CSE1L: variants seen among roughly 807,000 people sequenced by gnomAD.
CSE1L encodes exportin-2.
A neutral mutation model predicts 120.4 loss-of-function variants in CSE1L; 24 were observed. The ratio of observed to expected loss-of-function variants is 0.20; its 90% confidence interval spans 0.14 to 0.28. The LOEUF (loss-of-function observed/expected upper bound fraction) is 0.28. CSE1L is among the 10% of genes least tolerant of loss of function. The pLI, the probability that CSE1L is intolerant of heterozygous loss-of-function variation, is 1.00. For synonymous variants in CSE1L, 402 were observed against 398.3 expected, an observed-to-expected ratio of 1.01 and a Z score of -0.11; for missense variants, 830 against 1,145.2, an observed-to-expected ratio of 0.72 and a Z score of 3.97.
At chr20:49,078,936 A>G (rs2426118) in intron 14 of CSE1L, among the ~76,000 whole-genome samples, 114,735 of 152,144 alleles carry the variant, frequency 0.75, 43,912 homozygotes, top group African/African-American at 0.88. Context: ...CTGTCACCCA[A>G]GCTGGAGTGC....
chr20:49,059,445 G>A (rs895222174), intron 2 of CSE1L, among the ~76,000 whole-genome samples: 5 of 152,132 alleles, frequency 3.3e-5, no homozygotes, highest in African/African-American at 1.2e-4. Context: ...TACATGCCCT[G>A]ATTAAGTGGC....
intron 7 of CSE1L, 99 bp downstream of exon 7, chr20:49,068,921 T>C (rs572354706): frequency 8.0e-6 from 7 of 871,506 alleles, no homozygotes; most frequent in Non-Finnish European, 5.4e-6. Flanking sequence ...CATTGATTTT[T>C]CTGAAAGAAA....
At chr20:49,074,875 C>T in intron 11 of CSE1L, 25 bp downstream of exon 11, 1 of 1,584,004 alleles carries the variant, frequency 6.3e-7, no homozygotes, top group Non-Finnish European at 8.6e-7. Context: ...TTTTTAGTTA[C>T]TAGTCTCTTA....
chr20:49,072,377 A>G lies in CSE1L; in HGVS notation c.860A>G (p.Gln287Arg). 1 of 1,614,234 alleles carries G rather than the reference A, an allele frequency of 6.2e-7. No individual in the cohort carries two copies. The highest frequency in any genetic ancestry group is 1.1e-5 in the South Asian group (1 of 91,092). The change falls in exon 9 of 25, where the codon CAG becomes CGG. Residue 287 changes from glutamine (Q) to arginine (R), a missense_variant. Coordinates refer to ENST00000262982, the MANE Select transcript of CSE1L (RefSeq NM_001316.4). ...LYAQKYDEEF[Q>R]RYLPRFVTAI... ...GCACAAAAGTACGATGAAGAATTCC[A>G]GCGATACCTGCCTCGTTTTGTTACA...
At position 49,075,226 on chromosome 20, in the gene CSE1L, A is replaced by G. The variant is rs2091960747; in HGVS notation, c.1133-92A>G. ...TTTTCCGTTTTACAATCGTAGCCAA[A>G]TTATTCCAGGCAATTTGTTTTCTTA... On this transcript the variant is annotated intron_variant, in intron 11 of 24. Transcript: ENST00000262982. 3 of 1,076,062 alleles carry G rather than the reference A, an allele frequency of 2.8e-6. 1 individual carries two copies. The highest frequency in any genetic ancestry group is 4.0e-6 in the Non-Finnish European group (3 of 741,308). 66.7% of individuals were successfully genotyped at this position (1,076,062 alleles called of 1,614,324 possible).
chr20:49,092,136 GT>G lies in CSE1L; in HGVS notation c.2447+14del. 2.0e-6 allele frequency: 3 copies of G among 1,485,760 alleles called. No homozygotes were observed. The highest frequency in any genetic ancestry group is 1.8e-4 in the Middle Eastern group (1 of 5,456). The allele number at this position is 1,485,760 out of a possible 1,614,324, so 92.0% of individuals were successfully genotyped here. On this transcript the variant is annotated intron_variant, in intron 22 of 24. Coordinates refer to ENST00000262982, the MANE Select transcript of CSE1L (RefSeq NM_001316.4). ...GATGGTATACAACCAAAGTAAGTTT[GT>G]TTTTATTATTTTTTAAAGGAAGAAA...
chr20:49,072,290 A>G lies in CSE1L; in HGVS notation c.773A>G (p.Glu258Gly). ...TTTTGTTTTCTTTTATGTGAGGATG[A>G]AGAGGAAGCCGGCTTATTGGAGCTC... ...LDNKLLQTDD[E>G]EEAGLLELLK... The change falls in exon 9 of 25, where the codon GAA becomes GGA. Residue 258 changes from glutamate (E) to glycine (G), a missense_variant. Glu to Gly is a moderately conservative substitution (Grantham distance 98, BLOSUM62 -2). Around this residue, in one of 4 missense-constraint regions of CSE1L, gnomAD observed 543 missense variants for 640.2 expected, o/e 0.85. Coordinates refer to ENST00000262982, the MANE Select transcript of CSE1L (RefSeq NM_001316.4). The G allele has an allele frequency of 6.2e-7, 1 of 1,613,820 alleles. No homozygotes were observed. The highest frequency in any genetic ancestry group is 1.1e-5 in the South Asian group (1 of 91,062).
chr20:49,057,970 C>T (rs1014503309), intron 1 of CSE1L, among the ~76,000 whole-genome samples: 1 of 151,804 alleles, frequency 6.6e-6, no homozygotes, highest in African/African-American at 2.4e-5. Context: ...GGGGTCTCAC[C>T]CTGTTGACAG....
chr20:49,081,918 T>C (rs968592418), intron 14 of CSE1L, among the ~76,000 whole-genome samples: 1 of 152,232 alleles, frequency 6.6e-6, no homozygotes, highest in Non-Finnish European at 1.5e-5. Context: ...TATTTATGTA[T>C]ACATACATAT....
chr20:49,084,800 C>A (rs1259645412), intron 15 of CSE1L, among the ~76,000 whole-genome samples: 1 of 151,526 alleles, frequency 6.6e-6, no homozygotes, highest in Admixed American at 6.6e-5. Flanking sequence ...GAAAACAGTT[C>A]TAGGTTCTTT....
At chr20:49,059,279 T>C (rs1254890566) in intron 2 of CSE1L, among the ~76,000 whole-genome samples, 2 of 152,202 alleles carry the variant, frequency 1.3e-5, no homozygotes, top group Non-Finnish European at 2.9e-5. Flanking sequence ...TTAACTAATA[T>C]ATTTTAAGAC....
intron 5 of CSE1L, 32 bp downstream of exon 5, chr20:49,066,542 A>C (rs374181505): frequency 6.4e-7 from 1 of 1,566,858 alleles, no homozygotes; most frequent in Non-Finnish European, 8.7e-7. Flanking sequence ...TTTTTAAAAT[A>C]CTTTCTAAAG....
chr20:49,089,294 T>C lies in CSE1L; in HGVS notation c.1869T>C (p.Cys623=), dbSNP rs2092083422. The part of the protein sequence containing the change: ...HFNHYMFEAI[C]LSIRITCKAN... ...ATCACTACATGTTTGAAGCAATATG[T>C]TTATCCATAAGAATAACTTGCAAAG... Residue 623 remains cysteine (C), a synonymous_variant, in exon 18 of 25, where the codon TGT becomes TGC. Coordinates refer to ENST00000262982, the MANE Select transcript of CSE1L (RefSeq NM_001316.4). 6.2e-7 allele frequency: 1 copy of C among 1,611,174 alleles called. No homozygotes were observed. Among genetic ancestry groups the C allele is most frequent in the African/African-American group, 1.3e-5 (1 of 74,746 alleles).
intron 14 of CSE1L, among the ~76,000 whole-genome samples, chr20:49,081,437 C>T (rs1482023782): frequency 6.6e-6 from 1 of 152,186 alleles, no homozygotes; most frequent in Non-Finnish European, 1.5e-5. Flanking sequence ...GCACGTGCCA[C>T]CACACCCAGC....
At chr20:49,053,793 A>G (rs2091786534) in intron 1 of CSE1L, among the ~76,000 whole-genome samples, 1 of 152,218 alleles carries the variant, frequency 6.6e-6, no homozygotes, top group Non-Finnish European at 1.5e-5. Context: ...AGACTGGGCA[A>G]TCCTCCCACC....
At position 49,075,313 on chromosome 20, in the gene CSE1L, C is replaced by T. The variant is rs1435182793; in HGVS notation, c.1133-5C>T. 1 of 1,607,012 alleles carries T rather than the reference C, an allele frequency of 6.2e-7. No individual in the cohort carries two copies. Among genetic ancestry groups the T allele is most frequent in the South Asian group, 1.1e-5 (1 of 89,824 alleles). ...CCCATAATATATTTTCTTTTCATTT[C>T]ATAGATATTGATACTAGACGCAGGG... On this transcript the variant is annotated splice_polypyrimidine_tract_variant and splice_region_variant and intron_variant, in intron 11 of 24. Transcript: ENST00000262982.
chr20:49,065,530 G>C (rs1300990915), intron 3 of CSE1L, among the ~76,000 whole-genome samples: 1 of 148,590 alleles, frequency 6.7e-6, no homozygotes, highest in Admixed American at 6.9e-5. Flanking sequence ...ATGTTGGCCA[G>C]GCTGGTCTCA....
intron 22 of CSE1L, among the ~76,000 whole-genome samples, chr20:49,092,639 C>T (rs2092110350): frequency 1.3e-5 from 2 of 151,198 alleles, no homozygotes; most frequent in South Asian, 4.2e-4. Flanking sequence ...ACATCACACT[C>T]TGGGGCCTGT....
At chr20:49,067,928 C>CTTTTTTTTT (rs10567768) in intron 6 of CSE1L, among the ~76,000 whole-genome samples, 37 of 78,474 alleles carry the variant, frequency 4.7e-4, no homozygotes, top group Non-Finnish European at 7.0e-4. Flanking sequence ...TTCCCTCTCT[C>CTTTTTTTTT]TTTTTTTTTT....
Sources: gnomAD v4.1 joint callset for allele counts (sites outside exome capture counted in the v4.1 genomes callset) on GRCh38, gnomAD v4.1.1 for gene constraint, gnomAD v4.1.1 regional missense constraint, MANE v1.5 for transcripts, NCBI Gene and HGNC (gene_info 2026-07-23, HGNC 2026-07-21) for gene names.